SPSB1: variants seen among roughly 807,000 people sequenced by gnomAD.
SPSB1 encodes the protein SPRY domain-containing SOCS box protein 1.
Under a neutral mutation model 21.2 loss-of-function variants are expected in SPSB1, and 8 were observed. The observed-to-expected ratio is 0.38, with a 90% CI of 0.22 to 0.68. The LOEUF (loss-of-function observed/expected upper bound fraction) is 0.68, where lower values mean the gene tolerates loss of function less well. SPSB1 is among the 30% of genes least tolerant of loss of function. The pLI, the probability that SPSB1 is intolerant of heterozygous loss-of-function variation, is 0.53. For synonymous variants in SPSB1, 169 were observed against 161.7 expected, an observed-to-expected ratio of 1.05 and a Z score of -0.34; for missense variants, 242 against 377.8, an observed-to-expected ratio of 0.64 and a Z score of 2.98.
At chr1:9,312,760 A>AT (rs1401149066) in intron 1 of SPSB1, among the ~76,000 whole-genome samples, 1 of 151,694 alleles carries the variant, frequency 6.6e-6, no homozygotes, top group Admixed American at 6.6e-5. Flanking sequence ...TTATTATTTG[A>AT]TTTTTTCAAC....
chr1:9,329,704 C>CAAAA (rs370850231), intron 1 of SPSB1, among the ~76,000 whole-genome samples: 5 of 87,056 alleles, frequency 5.7e-5, no homozygotes, highest in African/African-American at 1.2e-4. Context: ...AAAACAACAA[C>CAAAA]AAAAAAAAAA....
In SPSB1 at chr1:9,348,145, A is replaced by G. The variant is rs951838794; in HGVS notation, c.-149-7598A>G. 2.0e-5 allele frequency among the ~76,000 whole-genome samples: 3 copies of G among 151,654 alleles called. No homozygotes were observed. The highest frequency in any genetic ancestry group is 4.4e-5 in the Non-Finnish European group (3 of 67,914). ...TTTTTAGTAGAGATGGGGTTTCACT[A>G]TGTTGGCCAGACTGGTCTCAAACTC... On this transcript the variant is annotated intron_variant, in intron 1 of 2. Coordinates refer to ENST00000328089, the MANE Select transcript of SPSB1 (RefSeq NM_025106.4). This position sits in a 1 kb window ranked among gnomAD's most constrained non-coding sequence, Gnocchi z 4.8.
At chr1:9,330,433 C>A (rs1639895152) in intron 1 of SPSB1, among the ~76,000 whole-genome samples, 1 of 151,950 alleles carries the variant, frequency 6.6e-6, no homozygotes, top group South Asian at 2.1e-4. Flanking sequence ...TCACTGCGCT[C>A]CAGCCTGGGC....
chr1:9,305,586 G>T lies in SPSB1; in HGVS notation c.-150+12515G>T, dbSNP rs1293491976. Among the ~76,000 whole-genome samples the T allele has an allele frequency of 6.6e-6, 1 of 152,206 alleles. No homozygotes were observed. Among genetic ancestry groups the T allele is most frequent in the African/African-American group, 2.4e-5 (1 of 41,456 alleles). On this transcript the variant is annotated intron_variant, in intron 1 of 2. Transcript: ENST00000328089. The surrounding 1 kb of genome is among the most constrained non-coding windows in gnomAD (Gnocchi z 4.8). Reference sequence around the variant, plus strand: ...AGCTCGATGTGGGCCCAGGGTGTGGGTGCTGGGGGTGGGGACTCCCCGTCA... The same window carrying T: ...AGCTCGATGTGGGCCCAGGGTGTGGTTGCTGGGGGTGGGGACTCCCCGTCA...
intron 1 of SPSB1, among the ~76,000 whole-genome samples, chr1:9,319,670 A>C (rs1342420347): frequency 6.6e-6 from 1 of 152,044 alleles, no homozygotes; most frequent in East Asian, 1.9e-4. Flanking sequence ...ATGCTGCGGG[A>C]GGCCAAGCCT....
rs1224636257 is a variant in SPSB1, at chr1:9,321,047, G to A, written c.-150+27976G>A. 6.6e-6 allele frequency among the ~76,000 whole-genome samples: 1 copy of A among 152,178 alleles called. No individual in the cohort carries two copies. The highest frequency in any genetic ancestry group is 1.5e-5 in the Non-Finnish European group (1 of 68,028). Reference sequence around the variant, plus strand: ...TGTGCGGGGGATTCTGGCTGGAAAAGGCAGCCGTGTAATTACAGGTACTGG... The same window carrying A: ...TGTGCGGGGGATTCTGGCTGGAAAAAGCAGCCGTGTAATTACAGGTACTGG... On this transcript the variant is annotated intron_variant, in intron 1 of 2. Transcript: ENST00000328089. The surrounding 1 kb of genome is among the most constrained non-coding windows in gnomAD (Gnocchi z 4.8).
At chr1:9,295,266 G>A (rs947477032) in intron 1 of SPSB1, among the ~76,000 whole-genome samples, 7 of 152,068 alleles carry the variant, frequency 4.6e-5, no homozygotes, top group African/African-American at 1.7e-4. Context: ...GGGGAGGTGT[G>A]GAGTGGACTA....
intron 2 of SPSB1, among the ~76,000 whole-genome samples, chr1:9,361,207 C>CCTAGG (rs1405692122): frequency 8.1e-6 from 1 of 123,222 alleles, no homozygotes; most frequent in African/African-American, 3.3e-5. Context: ...CACTATGTTG[C>CCTAGG]CTAGGCTGGT....
chr1:9,361,775 G>A (rs1246700841), intron 2 of SPSB1, among the ~76,000 whole-genome samples: 2 of 152,220 alleles, frequency 1.3e-5, no homozygotes, highest in East Asian at 3.9e-4. Context: ...GGGCAGGAGT[G>A]GAGATGGCCA....
chr1:9,325,226 C>T (rs1359719245), intron 1 of SPSB1, among the ~76,000 whole-genome samples: 1 of 8,946 alleles, frequency 1.1e-4, no homozygotes, highest in Admixed American at 2.7e-3. Context: ...CCCACCACCA[C>T]CCCCCCCCCC....
intron 1 of SPSB1, among the ~76,000 whole-genome samples, chr1:9,329,456 C>A (rs1390854818): frequency 6.6e-6 from 1 of 151,918 alleles, no homozygotes; most frequent in African/African-American, 2.4e-5. Context: ...GGAAGAGAGC[C>A]TTTGGGAAGA....
At chr1:9,336,699 G>A (rs568901444) in intron 1 of SPSB1, among the ~76,000 whole-genome samples, 13 of 152,156 alleles carry the variant, frequency 8.5e-5, no homozygotes, top group African/African-American at 2.4e-4. Context: ...TGGCCGGCTC[G>A]GGCAGGTCCC....
rs550783461 is a variant in SPSB1 at position 9,348,007 on chromosome 1, C to T, written c.-149-7736C>T. On this transcript the variant is annotated intron_variant, in intron 1 of 2. Coordinates refer to ENST00000328089, the MANE Select transcript of SPSB1 (RefSeq NM_025106.4). This position sits in a 1 kb window ranked among gnomAD's most constrained non-coding sequence, Gnocchi z 4.8. ...ACGCCCAGGTTCGAGTGCAGTGGTG[C>T]GATCTCGGCTCACTGCAACCTCCGC... is the stretch of plus-strand genomic sequence containing the variant. 6.0e-4 allele frequency among the ~76,000 whole-genome samples: 89 copies of T among 148,760 alleles called. No individual in the cohort carries two copies. The highest frequency in any genetic ancestry group is 2.1e-3 in the African/African-American group (84 of 40,302).
chr1:9,344,574 C>A (rs189466879), intron 1 of SPSB1, among the ~76,000 whole-genome samples: 1 of 152,242 alleles, frequency 6.6e-6, no homozygotes, highest in East Asian at 1.9e-4. Context: ...TGTTGAGAGG[C>A]GGCAGGAGGA....
At chr1:9,331,701 G>C (rs1252255274) in intron 1 of SPSB1, among the ~76,000 whole-genome samples, 2 of 152,104 alleles carry the variant, frequency 1.3e-5, no homozygotes, top group Non-Finnish European at 2.9e-5. Context: ...TTTCCCCGAA[G>C]CTGCCGGATT....
chr1:9,345,811 G>T lies in SPSB1; in HGVS notation c.-149-9932G>T, dbSNP rs1640159534. Among the ~76,000 whole-genome samples, 3 of 152,210 alleles carry T rather than the reference G, an allele frequency of 2.0e-5. No individual in the cohort carries two copies. Among genetic ancestry groups the T allele is most frequent in the Non-Finnish European group, 4.4e-5 (3 of 68,042 alleles). On this transcript the variant is annotated intron_variant, in intron 1 of 2. Transcript: ENST00000328089. This position sits in a 1 kb window ranked among gnomAD's most constrained non-coding sequence, Gnocchi z 4.8. ...ATCACTTGTCAGAACTTTCCAGAAG[G>T]ATCCTGTTCTTTTTTGTTGATTCTA...
At chr1:9,354,576 G>A (rs1026124923) in intron 1 of SPSB1, among the ~76,000 whole-genome samples, 6 of 152,202 alleles carry the variant, frequency 3.9e-5, no homozygotes, top group Admixed American at 1.3e-4. Flanking sequence ...ACTTTGGGAG[G>A]CCAAGCCGGG....
rs1167380572 is a variant in SPSB1 at position 9,356,611 on chromosome 1, G to A, written c.694+26G>A. Reference sequence around the variant, plus strand: ...GTAAGTGTCTCCTCTGCTGTCAGAGGCAATGCCCTCCCTCAGTCCCCATGG... The same window carrying A: ...GTAAGTGTCTCCTCTGCTGTCAGAGACAATGCCCTCCCTCAGTCCCCATGG... On this transcript the variant is annotated intron_variant, in intron 2 of 2. Transcript: ENST00000328089. This position sits in a 1 kb window ranked among gnomAD's most constrained non-coding sequence, Gnocchi z 7.4. 2 of 1,560,772 alleles carry A rather than the reference G, an allele frequency of 1.3e-6. No individual in the cohort carries two copies. The highest frequency in any genetic ancestry group is 1.7e-6 in the Non-Finnish European group (2 of 1,150,116).
Position 9,367,233 on chromosome 1 carries a change from T to C in SPSB1, c.695-215T>C, listed in dbSNP as rs1640589582. Among the ~76,000 whole-genome samples the C allele has an allele frequency of 6.6e-6, 1 of 152,220 alleles. No individual in the cohort carries two copies. The highest frequency in any genetic ancestry group is 1.5e-5 in the Non-Finnish European group (1 of 68,030). ...AACCACTGTGAGGATTAAATGAGTG[T>C]TAGCAGAGGGCTCGCCCAGGTGCCC... On this transcript the variant is annotated intron_variant, in intron 2 of 2. Coordinates refer to ENST00000328089, the MANE Select transcript of SPSB1 (RefSeq NM_025106.4). The surrounding 1 kb of genome is among the most constrained non-coding windows in gnomAD (Gnocchi z 5.9).
Sources: allele counts gnomAD v4.1 joint callset (sites outside exome capture counted in the v4.1 genomes callset), GRCh38; gene constraint gnomAD v4.1.1; non-coding constraint Gnocchi (gnomAD v3.1); transcripts MANE v1.5; gene names NCBI Gene and HGNC (gene_info 2026-07-23, HGNC 2026-07-21).